Variants in EPS15 observed in about 807,000 individuals in gnomAD.
EPS15 encodes the protein epidermal growth factor receptor pathway substrate 15, also known as epidermal growth factor receptor substrate 15.
EPS15 carries 72 observed loss-of-function variants against 113.8 expected under a neutral mutation model. The ratio of observed to expected loss-of-function variants is 0.63; its 90% CI spans 0.52 to 0.77. EPS15 has a LOEUF of 0.77. Ranked by LOEUF, EPS15 falls within the 30% of genes least tolerant of loss-of-function variation. EPS15 has a pLI of 0.00. For synonymous variants in EPS15, 344 were observed against 363.4 expected, an observed-to-expected ratio of 0.95 and a Z score of 0.61; for missense variants, 1,048 against 1,045.8, an observed-to-expected ratio of 1.00 and a Z score of -0.03.
chr1:51,402,568 G>A (rs1382891839), intron 17 of EPS15, 43 bp from the exon 18 acceptor site: 2 of 998,172 alleles, frequency 2.0e-6, no homozygotes, highest in Admixed American at 2.1e-5. Context: ...AGAAACCAAA[G>A]TTTTAAAAGG....
At chr1:51,358,709 G>GTTTTTT (rs71063028) in intron 24 of EPS15, among the ~76,000 whole-genome samples, 1 of 121,376 alleles carries the variant, frequency 8.2e-6, no homozygotes, top group Non-Finnish European at 1.8e-5. Context: ...GTTTTTTTTT[G>GTTTTTT]TTTTTTTTTT....
rs974500460 is a variant in EPS15, at chr1:51,387,113, C to T, written c.2119+7268G>A. ...AAAGGGAAGCCCATCAGACTAACAG[C>T]GGATCTCTTGGCAGAAACTCCACAA... On this transcript the variant is annotated intron_variant, in intron 21 of 24. Transcript: ENST00000371733. 4.6e-5 allele frequency among the ~76,000 whole-genome samples: 7 copies of T among 152,288 alleles called. No individual in the cohort carries two copies. In the East Asian group the frequency reaches 9.6e-4, roughly 21 times the overall value.
At chr1:51,456,303 C>CT (rs1475518411) in intron 8 of EPS15, among the ~76,000 whole-genome samples, 2 of 152,136 alleles carry the variant, frequency 1.3e-5, no homozygotes, top group African/African-American at 4.8e-5. Context: ...AGAGTCCTCT[C>CT]TTTAACTTCA....
In EPS15 at chr1:51,354,264, AAT is replaced by A. The variant is rs1446925998; in HGVS notation, c.*2434_*2435del. The A allele has an allele frequency of 5.8e-6, 1 of 173,658 alleles. No homozygotes were observed. Among genetic ancestry groups the A allele is most frequent in the African/African-American group, 2.4e-5 (1 of 42,116 alleles). The allele number at this position is 173,658 out of a possible 1,614,324, so 10.8% of individuals were successfully genotyped here. Reference sequence around the variant, plus strand: ...AAAGCACGACATGATAACCAAAAATAATAGTTTACATTTATTATTTATTCTAT... The same window carrying A: ...AAAGCACGACATGATAACCAAAAATAAGTTTACATTTATTATTTATTCTAT... On this transcript the variant is annotated 3_prime_UTR_variant, in exon 25 of 25. Transcript: ENST00000371733.
chr1:51,451,863 C>T (rs141539851), intron 8 of EPS15, among the ~76,000 whole-genome samples: 2 of 152,142 alleles, frequency 1.3e-5, no homozygotes, highest in African/African-American at 4.8e-5. Flanking sequence ...GTCCAGCAAC[C>T]ACGAAAAGAA....
At position 51,519,251 on chromosome 1, in the gene EPS15, G is replaced by C; in HGVS notation, c.-20C>G. ...AGCCATGGTGTTTCCATCATGCAAGGGAGGGGAAGGAAGACGGGCTGACTG... is the reference window on the plus strand; with the variant it reads ...AGCCATGGTGTTTCCATCATGCAAGCGAGGGGAAGGAAGACGGGCTGACTG... On this transcript the variant is annotated 5_prime_UTR_variant, in exon 1 of 25. Transcript: ENST00000371733. 2.9e-6 allele frequency: 4 copies of C among 1,362,274 alleles called. No homozygotes were observed. The highest frequency in any genetic ancestry group is 2.8e-5 in the Admixed American group (1 of 36,110). 84.4% of individuals were successfully genotyped at this position (1,362,274 alleles called of 1,614,324 possible).
chr1:51,389,196 A>G (rs1647188130), intron 21 of EPS15, among the ~76,000 whole-genome samples: 1 of 152,232 alleles, frequency 6.6e-6, no homozygotes, highest in African/African-American at 2.4e-5. Flanking sequence ...TCCAGCATAT[A>G]AACAGAACCA....
chr1:51,362,437 A>G (rs763104353), intron 23 of EPS15, among the ~76,000 whole-genome samples: 3 of 152,218 alleles, frequency 2.0e-5, no homozygotes, highest in East Asian at 1.9e-4. Context: ...TTGGATGAAG[A>G]TTCTTAGATT....
chr1:51,392,565 T>C (rs1304913153), intron 21 of EPS15, among the ~76,000 whole-genome samples: 4 of 152,156 alleles, frequency 2.6e-5, no homozygotes, highest in African/African-American at 7.2e-5. Context: ...TATTCCTCTA[T>C]CTTGCAAAAA....
At chr1:51,390,063 T>C (rs1445230615) in intron 21 of EPS15, among the ~76,000 whole-genome samples, 1 of 152,258 alleles carries the variant, frequency 6.6e-6, no homozygotes, top group Admixed American at 6.5e-5. Flanking sequence ...GACTTCAAAC[T>C]ATACTACAAG....
At chr1:51,511,212 T>C (rs1644613620) in intron 1 of EPS15, among the ~76,000 whole-genome samples, 1 of 151,038 alleles carries the variant, frequency 6.6e-6, no homozygotes, top group Non-Finnish European at 1.5e-5. Flanking sequence ...ACCAGTGATT[T>C]GGCCGGGCGC....
intron 1 of EPS15, among the ~76,000 whole-genome samples, chr1:51,485,519 G>C (rs1004198312): frequency 6.6e-6 from 1 of 151,964 alleles, no homozygotes; most frequent in Non-Finnish European, 1.5e-5. Context: ...CTTGAGCCCA[G>C]GAATTCATGA....
chr1:51,357,391 AATATATAT>A (rs869072153), intron 24 of EPS15, among the ~76,000 whole-genome samples: 22 of 65,724 alleles, frequency 3.3e-4, no homozygotes, highest in African/African-American at 1.3e-3. Context: ...AAAAAAAAAA[AATATATAT>A]ATATATATAT....
intron 8 of EPS15, among the ~76,000 whole-genome samples, chr1:51,449,179 G>C (rs1170768525): frequency 6.6e-6 from 1 of 152,020 alleles, no homozygotes. Context: ...CAAAGACATG[G>C]AATCAACCTA....
intron 21 of EPS15, among the ~76,000 whole-genome samples, chr1:51,375,747 G>A (rs1336145271): frequency 3.9e-5 from 6 of 152,092 alleles, no homozygotes; most frequent in Non-Finnish European, 8.8e-5. Context: ...ATAATTAAAA[G>A]TTTTCATGTC....
intron 21 of EPS15, among the ~76,000 whole-genome samples, chr1:51,375,863 AG>A (rs1256475529): frequency 1.3e-5 from 2 of 152,256 alleles, no homozygotes; most frequent in African/African-American, 2.4e-5. Context: ...GGGCAAGAAC[AG>A]GTTTGCCAAC....
intron 1 of EPS15, among the ~76,000 whole-genome samples, chr1:51,490,702 G>A (rs1273803820): frequency 4.6e-5 from 7 of 152,084 alleles, no homozygotes; most frequent in African/African-American, 1.7e-4. Flanking sequence ...AAAATGGAGA[G>A]GGGAGTGGGT....
At chr1:51,436,614 G>C (rs1652169416) in intron 12 of EPS15, among the ~76,000 whole-genome samples, 1 of 152,156 alleles carries the variant, frequency 6.6e-6, no homozygotes, top group Non-Finnish European at 1.5e-5. Flanking sequence ...AATAAGACTT[G>C]AAGAGAGTAT....
chr1:51,497,580 T>C (rs1158008700), intron 1 of EPS15, among the ~76,000 whole-genome samples: 1 of 152,198 alleles, frequency 6.6e-6, no homozygotes, highest in Non-Finnish European at 1.5e-5. Context: ...CCACACCCAA[T>C]TCACGCATCT....
Sources: gnomAD v4.1 joint callset for allele counts (sites outside exome capture counted in the v4.1 genomes callset) on GRCh38, gnomAD v4.1.1 for gene constraint, MANE v1.5 for transcripts, NCBI Gene and HGNC (gene_info 2026-07-23, HGNC 2026-07-21) for gene names.